The following ATXN7L1 variants were observed in gnomAD, a reference collection of about 807,000 sequenced individuals.
ATXN7L1 encodes ataxin 7 like 1, also known as ataxin-7-like protein 1.
ATXN7L1 carries 15 observed loss-of-function variants against 70.8 expected under a neutral mutation model. That is an observed-to-expected ratio of 0.21 (90% CI 0.14 to 0.33). The LOEUF (loss-of-function observed/expected upper bound fraction) is 0.33. Among genes scored for constraint, ATXN7L1 ranks in the 10% least tolerant of loss-of-function variants. The pLI is 1.00. For synonymous variants in ATXN7L1, 440 were observed against 445.1 expected (o/e 0.99, Z 0.14); for missense variants, 975 against 1,097.1 (o/e 0.89, Z 1.57).
At chr7:105,758,266 A>T (rs1362216933) in intron 3 of ATXN7L1, among the ~76,000 whole-genome samples, 1 of 152,146 alleles carries the variant, frequency 6.6e-6, no homozygotes, top group Admixed American at 6.5e-5. Flanking sequence ...CCATCAGCTC[A>T]CTTCTCCTCC....
At chr7:105,633,701 CA>C (rs1181614037) in intron 7 of ATXN7L1, among the ~76,000 whole-genome samples, 7 of 152,230 alleles carry the variant, frequency 4.6e-5, no homozygotes, top group East Asian at 1.9e-4. Context: ...GCCTGGGTGA[CA>C]GGGGGGAGAC....
At chr7:105,615,239 G>A (rs1287128685) in intron 9 of ATXN7L1, among the ~76,000 whole-genome samples, 1 of 152,100 alleles carries the variant, frequency 6.6e-6, no homozygotes, top group Non-Finnish European at 1.5e-5. Flanking sequence ...GGTCCTGGTT[G>A]CAAGTAAGAA....
chr7:105,753,974 C>A (rs1018484183), intron 3 of ATXN7L1, among the ~76,000 whole-genome samples: 2 of 152,092 alleles, frequency 1.3e-5, no homozygotes, highest in Non-Finnish European at 2.9e-5. Context: ...GCTCTGCCCC[C>A]CCAAAAGCCA....
chr7:105,757,806 T>C (rs1399617672), intron 3 of ATXN7L1, among the ~76,000 whole-genome samples: 2 of 151,580 alleles, frequency 1.3e-5, no homozygotes, highest in Admixed American at 6.6e-5. Context: ...CCCAGGCTGG[T>C]CTCAAACTCT....
intron 8 of ATXN7L1, among the ~76,000 whole-genome samples, chr7:105,623,561 A>ACG (rs1795238673): frequency 6.6e-6 from 1 of 152,150 alleles, no homozygotes; most frequent in Admixed American, 6.5e-5. Flanking sequence ...TTCCTTCAAC[A>ACG]CACACACACG....
chr7:105,778,551 C>T (rs1584983306), intron 3 of ATXN7L1, among the ~76,000 whole-genome samples: 1 of 145,812 alleles, frequency 6.9e-6, no homozygotes, highest in South Asian at 2.2e-4. Context: ...ACTAAATAAT[C>T]CTAAAGTTAT....
chr7:105,721,623 G>C (rs1164051673), intron 3 of ATXN7L1, among the ~76,000 whole-genome samples: 2 of 152,226 alleles, frequency 1.3e-5, no homozygotes, highest in Non-Finnish European at 2.9e-5. Flanking sequence ...GCACTAACTT[G>C]GGTGTCATTC....
chr7:105,838,777 G>A (rs906591711), intron 2 of ATXN7L1, among the ~76,000 whole-genome samples: 2 of 152,158 alleles, frequency 1.3e-5, no homozygotes, highest in Non-Finnish European at 2.9e-5. Flanking sequence ...CGAACTCCTG[G>A]ATCACCGGGC....
chr7:105,833,306 C>T (rs1285177321), intron 2 of ATXN7L1, among the ~76,000 whole-genome samples: 1 of 152,172 alleles, frequency 6.6e-6, no homozygotes. Context: ...CTTTTGTTCA[C>T]TCATCTTGCC....
At position 105,614,193 on chromosome 7, in the gene ATXN7L1, A is replaced by G. The variant is rs766509370; in HGVS notation, c.2141T>C (p.Leu714Pro). The change falls in exon 10 of 12, where the codon CTG (leucine) becomes CCG (proline). Residue 714 changes from leucine (L) to proline (P), a missense_variant. By Grantham distance (98) the Leu-to-Pro change is moderately conservative (BLOSUM62 -3). Coordinates refer to ENST00000419735, the MANE Select transcript of ATXN7L1 (RefSeq NM_020725.2). This position sits in a 1 kb window ranked among gnomAD's most constrained non-coding sequence, Gnocchi z 4.3. ...CAGCGAGGTCCGTCCTGAGGGCTCCAGTTTGGCACTGAGTGGGCTCACCCC... is the reference window on the plus strand; with the variant it reads ...CAGCGAGGTCCGTCCTGAGGGCTCCGGTTTGGCACTGAGTGGGCTCACCCC... ...NNGVSPLSAKLEPSGRTSLPG... is the reference protein window; with the variant it reads ...NNGVSPLSAKPEPSGRTSLPG... The G allele has an allele frequency of 6.4e-7, 1 of 1,551,704 alleles. No individual in the cohort carries two copies. Among genetic ancestry groups the G allele is most frequent in the Non-Finnish European group, 8.7e-7 (1 of 1,147,002 alleles).
intron 4 of ATXN7L1, among the ~76,000 whole-genome samples, chr7:105,664,253 T>G (rs151069034): frequency 2.0e-5 from 3 of 152,176 alleles, no homozygotes; most frequent in African/African-American, 7.2e-5. Flanking sequence ...CCAGGCACAC[T>G]GTCAGTGCTT....
rs745640458 is a variant in ATXN7L1, at chr7:105,638,524, C to A, written c.1031G>T (p.Arg344Leu). ...CTCTTTATCTTTAACTTCTTTTTCCCGGGACTTTGCTTTGTGTTCTGCCAG... is the reference window on the plus strand; with the variant it reads ...CTCTTTATCTTTAACTTCTTTTTCCAGGGACTTTGCTTTGTGTTCTGCCAG... ...LLLAEHKAKS[R>L]EKEVKDKEHL... The change falls in exon 7 of 12, where the codon CGG becomes CTG. Residue 344 changes from arginine to leucine, a missense_variant. Arg to Leu is a moderately radical substitution (Grantham distance 102, BLOSUM62 -2). Coordinates refer to ENST00000419735, the MANE Select transcript of ATXN7L1 (RefSeq NM_020725.2). 1.3e-6 allele frequency: 2 copies of A among 1,552,156 alleles called. No individual in the cohort carries two copies. The highest frequency in any genetic ancestry group is 1.2e-5 in the South Asian group (1 of 84,066).
At chr7:105,638,779 G>A (rs575018057) in intron 6 of ATXN7L1, among the ~76,000 whole-genome samples, 170 bp from the exon 7 acceptor site, 1 of 151,930 alleles carries the variant, frequency 6.6e-6, no homozygotes, top group Non-Finnish European at 1.5e-5. Context: ...GAGACCACAC[G>A]AACGCAACCA....
intron 10 of ATXN7L1, among the ~76,000 whole-genome samples, 188 bp from the exon 11 acceptor site, chr7:105,610,791 G>A (rs563162046): frequency 6.6e-6 from 1 of 152,330 alleles, no homozygotes; most frequent in South Asian, 2.1e-4. Context: ...TGCCTTGAGG[G>A]ATGCCCTCTC....
rs610340 is a variant in ATXN7L1, at chr7:105,722,222, C to T, written c.356-56934G>A. Among the ~76,000 whole-genome samples the T allele has an allele frequency of 2.3e-3, 344 of 152,238 alleles. 3 individuals carry two copies. Among genetic ancestry groups the T allele is most frequent in the African/African-American group, 7.6e-3 (315 of 41,548 alleles). The stretch of plus-strand genomic sequence containing the variant: ...GCAGGGCTGGGACTATGTGTGTACA[C>T]GTGCGTGCCTGTGTGTGCCCTCACA... On this transcript the variant is annotated intron_variant, in intron 3 of 11. Transcript: ENST00000419735.
intron 3 of ATXN7L1, among the ~76,000 whole-genome samples, chr7:105,750,644 A>G (rs1415164289): frequency 6.6e-6 from 1 of 152,154 alleles, no homozygotes; most frequent in African/African-American, 2.4e-5. Flanking sequence ...TCTACTAAAA[A>G]ATACAAAAAT....
rs533194692 is a variant in ATXN7L1 at position 105,702,001 on chromosome 7, G to A, written c.356-36713C>T. Among the ~76,000 whole-genome samples the A allele has an allele frequency of 3.9e-5, 6 of 152,338 alleles. No homozygotes were observed. The East Asian group carries it at 1.2e-3, about 29-fold the overall frequency. ...CTAGTTACTTCCTTGGCAGCAGCAG[G>A]CTATGGGCCTCTCCAGCCTTGGAGA... On this transcript the variant is annotated intron_variant, in intron 3 of 11. Coordinates refer to ENST00000419735, the MANE Select transcript of ATXN7L1 (RefSeq NM_020725.2).
At chr7:105,861,659 C>T (rs1374503680) in intron 2 of ATXN7L1, among the ~76,000 whole-genome samples, 5 of 152,190 alleles carry the variant, frequency 3.3e-5, no homozygotes, top group Admixed American at 6.5e-5. Flanking sequence ...ATGTCAGAAT[C>T]GCCACACACA....
At chr7:105,677,356 G>A (rs1804838086) in intron 3 of ATXN7L1, among the ~76,000 whole-genome samples, 1 of 152,150 alleles carries the variant, frequency 6.6e-6, no homozygotes, top group Non-Finnish European at 1.5e-5. Flanking sequence ...TGTAAAATGG[G>A]GACAATAATA....
Sources: gnomAD v4.1 joint callset for allele counts (sites outside exome capture counted in the v4.1 genomes callset) on GRCh38, gnomAD v4.1.1 for gene constraint, Gnocchi (gnomAD v3.1) non-coding constraint, MANE v1.5 for transcripts, NCBI Gene and HGNC (gene_info 2026-07-23, HGNC 2026-07-21) for gene names.